The following PCM1 variants were observed in gnomAD, a reference collection of about 807,000 sequenced individuals.
The protein encoded by PCM1 is pericentriolar material 1 protein.
PCM1 carries 157 observed loss-of-function variants against 241.9 expected under a neutral mutation model. That is an observed-to-expected ratio of 0.65 (90% CI 0.57 to 0.74). PCM1 has a LOEUF of 0.74. Ranked by LOEUF, PCM1 falls within the 30% of genes least tolerant of loss-of-function variation. PCM1 has a pLI of 0.00. For missense variants in PCM1, 3,478 were observed against 2,360.1 expected (o/e 1.47, Z -9.81); for synonymous variants, 1,085 against 784.9 (o/e 1.38, Z -6.39).
At chr8:17,953,865 A>G (rs1328366645) in intron 9 of PCM1, among the ~76,000 whole-genome samples, 1 of 152,196 alleles carries the variant, frequency 6.6e-6, no homozygotes, top group Non-Finnish European at 1.5e-5. Context: ...TAGAAATTGA[A>G]GTCAGTAGGG....
In PCM1 at chr8:17,960,372, G is replaced by C. The variant is rs1455065198; in HGVS notation, c.2250G>C (p.Gln750His). The C allele has an allele frequency of 9.3e-6, 15 of 1,608,024 alleles. No individual in the cohort carries two copies. Among genetic ancestry groups the C allele is most frequent in the Non-Finnish European group, 1.2e-5 (14 of 1,178,128 alleles). The stretch of plus-strand genomic sequence containing the variant: ...AACAGAGAGAGCTAAAACAATTGCA[G>C]GAAGAAAGAAAGAAACTGATTGACA... ...QQQQRELKQLQEERKKLIDIQ... is the reference protein window; with the variant it reads ...QQQQRELKQLHEERKKLIDIQ... The change falls in exon 15 of 39, where the codon CAG becomes CAC. Residue 750 changes from glutamine (Q) to histidine (H), a missense_variant. By Grantham distance (24) the Gln-to-His change is conservative. Transcript: ENST00000325083.
At chr8:17,986,502 C>T (rs111737047) in intron 26 of PCM1, among the ~76,000 whole-genome samples, 2,316 of 136,176 alleles carry the variant, frequency 0.017, 63 homozygotes, top group African/African-American at 0.059. Flanking sequence ...AAAGCCTAGA[C>T]AAAAGTCTTC....
chr8:18,026,215 A>G (rs1203128301), intron 38 of PCM1, among the ~76,000 whole-genome samples: 1 of 142,574 alleles, frequency 7.0e-6, no homozygotes, highest in African/African-American at 2.6e-5. Flanking sequence ...AGACATGCCC[A>G]TGGTTTAAGA....
intron 26 of PCM1, among the ~76,000 whole-genome samples, chr8:17,988,237 G>T (rs750927946): frequency 6.6e-6 from 1 of 151,708 alleles, no homozygotes; most frequent in Non-Finnish European, 1.5e-5. Context: ...CCTAAAATAC[G>T]TTCCTTAATG....
chr8:17,998,023 A>C (rs1428977929), intron 29 of PCM1, among the ~76,000 whole-genome samples: 1 of 151,270 alleles, frequency 6.6e-6, no homozygotes. Flanking sequence ...GTGACAGAGC[A>C]AGGCTCCGTC....
At position 17,938,058 on chromosome 8, in the gene PCM1, T is replaced by C. The variant is rs1347042910; in HGVS notation, c.342+679T>C. 2.0e-5 allele frequency among the ~76,000 whole-genome samples: 3 copies of C among 152,326 alleles called. No individual in the cohort carries two copies. The East Asian group carries it at 5.8e-4, about 29-fold the overall frequency. On this transcript the variant is annotated intron_variant, in intron 4 of 38. Transcript: ENST00000325083. ...CACAACTTTAATTACATTGATTCAT[T>C]GGGTCCAAAGCGTATAAAAATACTA... is the stretch of plus-strand genomic sequence containing the variant.
chr8:18,016,290 T>TAGAC (rs1489229355), intron 36 of PCM1, among the ~76,000 whole-genome samples: 2 of 151,854 alleles, frequency 1.3e-5, no homozygotes, highest in African/African-American at 2.4e-5. Context: ...TTTAGAAAGA[T>TAGAC]AGGGTATTAT....
intron 30 of PCM1, among the ~76,000 whole-genome samples, 174 bp from the exon 31 acceptor site, chr8:18,009,373 G>A (rs953556900): frequency 2.1e-4 from 32 of 152,232 alleles, no homozygotes; most frequent in African/African-American, 7.5e-4. Context: ...TCTTTAAGCA[G>A]GACTAGCAAC....
chr8:18,019,801 A>G lies in PCM1; in HGVS notation c.5841+4961A>G, dbSNP rs138666505. On this transcript the variant is annotated intron_variant, in intron 36 of 38. Transcript: ENST00000325083. ...CCTGCTATTTGGCCTGGTTCTTAAC[A>G]GGCCCTGGACTGGTACTGGGGGTTG... 4.9e-4 allele frequency among the ~76,000 whole-genome samples: 74 copies of G among 152,322 alleles called. 1 individual carries two copies. The highest frequency in any genetic ancestry group is 3.3e-3 in the South Asian group (16 of 4,826).
intron 23 of PCM1, among the ~76,000 whole-genome samples, chr8:17,979,579 A>C (rs191473909): frequency 9.2e-4 from 140 of 152,334 alleles, no homozygotes; most frequent in African/African-American, 3.3e-3. Context: ...GTAAGGAACA[A>C]ATTTAACAAG....
At position 17,969,530 on chromosome 8, in the gene PCM1, A is replaced by C. The variant is rs764747744; in HGVS notation, c.3413-47A>C. On this transcript the variant is annotated intron_variant, in intron 21 of 38. Transcript: ENST00000325083. ...TGTCTTTTAATTTCATTTTAAAGCT[A>C]AAGACATTTATTTATTTTTCTCTTA... 3.8e-6 allele frequency: 5 copies of C among 1,328,686 alleles called. No individual in the cohort carries two copies. The African/African-American group carries it at 4.5e-5, about 12-fold the overall frequency. 82.3% of individuals were successfully genotyped at this position (1,328,686 alleles called of 1,614,324 possible). A position where few individuals can be genotyped will look rare whatever the true frequency, so the allele number is the denominator to read the frequency against.
chr8:17,938,715 G>T, intron 4 of PCM1, 25 bp from the exon 5 acceptor site: 1 of 1,581,668 alleles, frequency 6.3e-7, no homozygotes, highest in South Asian at 1.1e-5. Context: ...ATGTTTGTGT[G>T]ATTTGATTTC....
intron 29 of PCM1, among the ~76,000 whole-genome samples, chr8:17,995,596 G>T (rs1176663430): frequency 6.6e-6 from 1 of 151,156 alleles, no homozygotes; most frequent in African/African-American, 2.5e-5. Flanking sequence ...TTTTTTCTCT[G>T]TGAAGAATGT....
intron 36 of PCM1, chr8:18,024,944 C>T (rs1328896971): frequency 6.5e-6 from 1 of 153,790 alleles, no homozygotes; most frequent in Non-Finnish European, 1.4e-5. Flanking sequence ...AAGACAGTTA[C>T]TAAATTCATA....
At chr8:17,999,826 C>T (rs1404138334) in intron 29 of PCM1, among the ~76,000 whole-genome samples, 1 of 151,818 alleles carries the variant, frequency 6.6e-6, no homozygotes, top group East Asian at 1.9e-4. Context: ...TGCCATCTTG[C>T]TCCACCCCTG....
intron 29 of PCM1, among the ~76,000 whole-genome samples, chr8:17,996,146 A>T (rs1320101603): frequency 2.6e-5 from 4 of 152,086 alleles, no homozygotes; most frequent in Non-Finnish European, 5.9e-5. Context: ...GTGTTTCCCC[A>T]TTTAGTATGA....
chr8:17,933,465 C>T (rs2059593512), intron 2 of PCM1, among the ~76,000 whole-genome samples: 1 of 152,146 alleles, frequency 6.6e-6, no homozygotes, highest in South Asian at 2.1e-4. Flanking sequence ...TAAGGAGAAT[C>T]CCAGTGGGAT....
chr8:17,952,834 GT>G (rs909028027), intron 8 of PCM1, 135 bp from the exon 9 acceptor site: 5 of 599,494 alleles, frequency 8.3e-6, no homozygotes, highest in Non-Finnish European at 1.2e-5. Flanking sequence ...AATAGTAAGG[GT>G]ATATACTTAC....
Position 17,950,731 on chromosome 8 carries a change from T to G in PCM1, c.1071+7T>G. ...TCAGCTTCGTGATTCTCAGGTAACC[T>G]AGATGTTTTAGTATAGTTGAGTTTA... On this transcript the variant is annotated splice_region_variant and intron_variant, in intron 8 of 38. Coordinates refer to ENST00000325083, the MANE Select transcript of PCM1 (RefSeq NM_006197.4). The G allele has an allele frequency of 6.9e-7, 1 of 1,439,772 alleles. No homozygotes were observed. Among genetic ancestry groups the G allele is most frequent in the Non-Finnish European group, 9.7e-7 (1 of 1,034,766 alleles). The allele number at this position is 1,439,772 out of a possible 1,614,324, so 89.2% of individuals were successfully genotyped here.
Sources: allele counts gnomAD v4.1 joint callset (sites outside exome capture counted in the v4.1 genomes callset), GRCh38; gene constraint gnomAD v4.1.1; transcripts MANE v1.5; gene names NCBI Gene and HGNC (gene_info 2026-07-23, HGNC 2026-07-21).